PRPF39: variants seen among roughly 807,000 people sequenced by gnomAD.
PRPF39 encodes the protein pre-mRNA processing factor 39.
A neutral mutation model predicts 82.1 loss-of-function variants in PRPF39; 27 were observed. The observed-to-expected ratio is 0.33, with a 90% CI of 0.24 to 0.45. The LOEUF is 0.45. Among genes scored for constraint, PRPF39 ranks in the 20% least tolerant of loss-of-function variants. The pLI, the probability that PRPF39 is intolerant of heterozygous loss-of-function variation, is 1.00. For missense variants in PRPF39, 581 were observed against 796.9 expected (o/e 0.73, Z 3.26); for synonymous variants, 261 against 256.4 (o/e 1.02, Z -0.17).
In PRPF39 at chr14:45,111,631, C is replaced by CTTT. The variant is rs58863567; in HGVS notation, c.1573-662_1573-660dup. 6.9e-3 allele frequency among the ~76,000 whole-genome samples: 407 copies of CTTT among 58,800 alleles called. 66 individuals are homozygous for CTTT. The highest frequency in any genetic ancestry group is 0.01 in the Non-Finnish European group (321 of 30,824). The allele number at this position is 58,800 out of a possible 152,430, so 38.6% of individuals were successfully genotyped here. ...ACAGGCGTAAGCCACTGCACCTGGGCTTTTTTTTTTTTTTTTTTTTTTTTT... is the reference window on the plus strand; with the variant it reads ...ACAGGCGTAAGCCACTGCACCTGGGCTTTTTTTTTTTTTTTTTTTTTTTTTTTT... On this transcript the variant is annotated intron_variant, in intron 10 of 13. Transcript: ENST00000355765.
intron 5 of PRPF39, among the ~76,000 whole-genome samples, chr14:45,105,352 T>C (rs964866100): frequency 3.3e-5 from 5 of 152,158 alleles, no homozygotes; most frequent in African/African-American, 1.2e-4. Context: ...TATTCATCTG[T>C]AATTAAATCT....
chr14:45,111,155 T>C (rs1446497245), intron 10 of PRPF39, among the ~76,000 whole-genome samples: 2 of 152,244 alleles, frequency 1.3e-5, no homozygotes, highest in Non-Finnish European at 2.9e-5. Context: ...AGGCGTTGCC[T>C]ATGTTGTAAG....
At chr14:45,106,823 T>C (rs947971499) in intron 5 of PRPF39, among the ~76,000 whole-genome samples, 7 of 152,096 alleles carry the variant, frequency 4.6e-5, no homozygotes, top group Admixed American at 2.6e-4. Flanking sequence ...GAATAAGACA[T>C]AGAGCAGCAG....
At chr14:45,096,565 A>AT (rs985852447) in intron 3 of PRPF39, 15 of 1,435,606 alleles carry the variant, frequency 1.0e-5, no homozygotes, top group Non-Finnish European at 1.4e-5. Flanking sequence ...TGCTAGTCAC[A>AT]TTTGCTACGT....
chr14:45,105,225 T>G (rs894597458), intron 5 of PRPF39, among the ~76,000 whole-genome samples: 1 of 152,172 alleles, frequency 6.6e-6, no homozygotes, highest in Non-Finnish European at 1.5e-5. Context: ...GTCACTGTTT[T>G]AAAGAAGTTG....
chr14:45,085,178 A>G (rs921430213), intron 1 of PRPF39, among the ~76,000 whole-genome samples: 3 of 152,162 alleles, frequency 2.0e-5, no homozygotes, highest in Non-Finnish European at 4.4e-5. Context: ...TGAAAAGAAC[A>G]AGCGTCTACT....
chr14:45,091,205 C>T (rs1248166510), intron 1 of PRPF39, among the ~76,000 whole-genome samples: 1 of 152,046 alleles, frequency 6.6e-6, no homozygotes, highest in African/African-American at 2.4e-5. Flanking sequence ...GTAGTGTGAT[C>T]GTAGTTCACT....
At chr14:45,112,603 T>A in intron 11 of PRPF39, 101 bp downstream of exon 11, 1 of 1,162,388 alleles carries the variant, frequency 8.6e-7, no homozygotes, top group Non-Finnish European at 1.1e-6. Flanking sequence ...TGTTAAATTT[T>A]AAAATGTTCG....
chr14:45,089,879 TG>T (rs1471438329), intron 1 of PRPF39, among the ~76,000 whole-genome samples: 1 of 152,252 alleles, frequency 6.6e-6, no homozygotes, highest in Non-Finnish European at 1.5e-5. Context: ...CTGTGATTTG[TG>T]AAGTAATCAT....
At chr14:45,095,631 T>C (rs1884174187) in intron 2 of PRPF39, 68 bp downstream of exon 2, 1 of 1,446,146 alleles carries the variant, frequency 6.9e-7, no homozygotes, top group Admixed American at 2.7e-5. Context: ...AATGAAACAG[T>C]AGACCTTATT....
At chr14:45,112,295 C>A in intron 10 of PRPF39, 23 bp from the exon 11 acceptor site, 1 of 1,528,090 alleles carries the variant, frequency 6.5e-7, no homozygotes, top group Admixed American at 2.4e-5. Context: ...TAGAAATATT[C>A]ATTGATGCTG....
intron 1 of PRPF39, among the ~76,000 whole-genome samples, chr14:45,089,800 A>G (rs1020164783): frequency 2.0e-5 from 3 of 152,258 alleles, no homozygotes; most frequent in Admixed American, 2.0e-4. Flanking sequence ...ATAAACTGAT[A>G]ATAATTGACA....
chr14:45,104,177 T>C (rs1468296103), intron 5 of PRPF39, among the ~76,000 whole-genome samples: 1 of 152,158 alleles, frequency 6.6e-6, no homozygotes, highest in Non-Finnish European at 1.5e-5. Flanking sequence ...AATATCCCAC[T>C]AGGCTTTTAT....
chr14:45,085,131 C>CT, intron 1 of PRPF39, among the ~76,000 whole-genome samples: 1 of 152,266 alleles, frequency 6.6e-6, no homozygotes, highest in East Asian at 1.9e-4. Flanking sequence ...CATGTTGAAA[C>CT]TTAAGTGTTT....
In PRPF39 at chr14:45,096,245, A is replaced by G; in HGVS notation, c.450+17A>G. The G allele has an allele frequency of 6.3e-7, 1 of 1,578,056 alleles. No individual in the cohort carries two copies. Among genetic ancestry groups the G allele is most frequent in the Non-Finnish European group, 8.6e-7 (1 of 1,162,208 alleles). ...TCAGATGAGGTGCGTACATCACTGA[A>G]TAAACTTATCTCCAATAGGTACTGT... is the stretch of plus-strand genomic sequence containing the variant. On this transcript the variant is annotated intron_variant, in intron 3 of 13. Transcript: ENST00000355765.
intron 4 of PRPF39, among the ~76,000 whole-genome samples, chr14:45,100,585 A>G (rs1036303047): frequency 1.3e-5 from 2 of 152,008 alleles, no homozygotes; most frequent in African/African-American, 4.8e-5. Flanking sequence ...CCTTTTCTCC[A>G]TACTTTTTTC....
intron 5 of PRPF39, among the ~76,000 whole-genome samples, chr14:45,106,407 A>T (rs540617167): frequency 6.6e-6 from 1 of 152,282 alleles, no homozygotes; most frequent in East Asian, 1.9e-4. Flanking sequence ...AAGATGCCAT[A>T]CTTATTTTAA....
Position 45,112,508 on chromosome 14 carries a change from ATAT to A in PRPF39, c.1757+9_1757+11del, listed in dbSNP as rs1364005215. 1 of 1,466,522 alleles carries A rather than the reference ATAT, an allele frequency of 6.8e-7. No individual in the cohort carries two copies. The highest frequency in any genetic ancestry group is 1.5e-5 in the South Asian group (1 of 65,538). The allele number at this position is 1,466,522 out of a possible 1,614,324, so 90.8% of individuals were successfully genotyped here. Reference sequence around the variant, plus strand: ...TTTGGTTCCGATGTTAATAAGTAAGATATTAGTTATATTACCTATTTGAATGAT... The same window carrying A: ...TTTGGTTCCGATGTTAATAAGTAAGATAGTTATATTACCTATTTGAATGAT... On this transcript the variant is annotated splice_region_variant and intron_variant, in intron 11 of 13. Transcript: ENST00000355765.
chr14:45,110,261 A>G lies in PRPF39; in HGVS notation c.1303+41A>G, dbSNP rs1884661653. On this transcript the variant is annotated intron_variant, in intron 9 of 13. Transcript: ENST00000355765. This position sits in a 1 kb window ranked among gnomAD's most constrained non-coding sequence, Gnocchi z 4.0. Reference sequence around the variant, plus strand: ...TTCAGTTGACATTTTTGAGATTTTAAGTTATTTCAGGAAACAGTGACAAAT... The same window carrying G: ...TTCAGTTGACATTTTTGAGATTTTAGGTTATTTCAGGAAACAGTGACAAAT... The G allele has an allele frequency of 6.2e-7, 1 of 1,607,568 alleles. No individual in the cohort carries two copies. The highest frequency in any genetic ancestry group is 8.5e-7 in the Non-Finnish European group (1 of 1,175,354).
Sources: allele counts gnomAD v4.1 joint callset (sites outside exome capture counted in the v4.1 genomes callset), GRCh38; gene constraint gnomAD v4.1.1; non-coding constraint Gnocchi (gnomAD v3.1); transcripts MANE v1.5; gene names NCBI Gene and HGNC (gene_info 2026-07-23, HGNC 2026-07-21).